The following AKAP10 variants were observed in gnomAD, a reference collection of about 807,000 sequenced individuals.
The protein encoded by AKAP10 is A-kinase anchoring protein 10.
A neutral mutation model predicts 80.8 loss-of-function variants in AKAP10; 24 were observed. The ratio of observed to expected loss-of-function variants is 0.30; its 90% confidence interval spans 0.22 to 0.42. The LOEUF (loss-of-function observed/expected upper bound fraction) is 0.42. Ranked by LOEUF, AKAP10 falls within the 10% of genes least tolerant of loss-of-function variation. The pLI, the probability that AKAP10 is intolerant of heterozygous loss-of-function variation, is 1.00. For synonymous variants in AKAP10, 291 were observed against 277.7 expected (o/e 1.05, Z -0.48); for missense variants, 661 against 794.9 (o/e 0.83, Z 2.03).
In AKAP10 at chr17:19,977,441, A is replaced by G. The variant is rs1037762219; in HGVS notation, c.88+151T>C. ...CTTCTCCCTCCCAGAAGAGTCCCGG[A>G]GCAGAGCAAGGCACTCAGGGGGCAT... On this transcript the variant is annotated intron_variant, in intron 1 of 14. Coordinates refer to ENST00000225737, the MANE Select transcript of AKAP10 (RefSeq NM_007202.4). The G allele has an allele frequency of 1.4e-5, 7 of 507,238 alleles. No individual in the cohort carries two copies. In the Admixed American group the frequency reaches 2.6e-4, roughly 19 times the overall value. The allele number at this position is 507,238 out of a possible 1,614,324, so 31.4% of individuals were successfully genotyped here.
intron 12 of AKAP10, among the ~76,000 whole-genome samples, chr17:19,917,244 G>A (rs924834954): frequency 6.6e-6 from 1 of 151,584 alleles, no homozygotes; most frequent in African/African-American, 2.4e-5. Flanking sequence ...CAGCCTGGCC[G>A]ACAGAGAGAG....
At chr17:19,956,877 G>A (rs1052080034) in intron 4 of AKAP10, among the ~76,000 whole-genome samples, 3 of 151,988 alleles carry the variant, frequency 2.0e-5, no homozygotes, top group African/African-American at 4.8e-5. Context: ...GGTGGCGGGC[G>A]CCTGTAATCC....
At chr17:19,945,246 G>A (rs918676124) in intron 5 of AKAP10, among the ~76,000 whole-genome samples, 2 of 152,020 alleles carry the variant, frequency 1.3e-5, no homozygotes, top group African/African-American at 4.8e-5. Flanking sequence ...GTTGCAGTGT[G>A]GTTTCATTTT....
rs772611975 is a variant in AKAP10 at position 19,920,082 on chromosome 17, T to C, written c.1788A>G (p.Gln596=). 5 of 1,613,648 alleles carry C rather than the reference T, an allele frequency of 3.1e-6. No homozygotes were observed. The Admixed American group carries it at 5.0e-5, about 16-fold the overall frequency. ...MTFGRVSDLG[Q]FIRESEPEPD... ...GTTCAGGCTCAGATTCTCGGATGAATTGCCCCAAGTCACTGACTCTTCCAA... is the reference window on the plus strand; with the variant it reads ...GTTCAGGCTCAGATTCTCGGATGAACTGCCCCAAGTCACTGACTCTTCCAA... The change falls in exon 12 of 15, where the codon CAA becomes CAG. Residue 596 remains glutamine (Q), a synonymous_variant. Transcript: ENST00000225737.
chr17:19,952,281 T>C (rs1020326689), intron 4 of AKAP10, among the ~76,000 whole-genome samples: 1 of 151,640 alleles, frequency 6.6e-6, no homozygotes, highest in Admixed American at 6.6e-5. Context: ...CTGGCTAACA[T>C]GGTGAAAATC....
chr17:19,908,294 C>T (rs2042652874), intron 14 of AKAP10, among the ~76,000 whole-genome samples: 1 of 152,192 alleles, frequency 6.6e-6, no homozygotes, highest in South Asian at 2.1e-4. Context: ...TGCTTTGAAA[C>T]TTGGTTCAGG....
chr17:19,945,150 T>C (rs1443483020), intron 5 of AKAP10, among the ~76,000 whole-genome samples: 1 of 152,216 alleles, frequency 6.6e-6, no homozygotes, highest in Non-Finnish European at 1.5e-5. Context: ...GATCACAAAA[T>C]GTTATCAACT....
intron 7 of AKAP10, 144 bp from the exon 8 acceptor site, chr17:19,939,993 G>GT (rs1457121226): frequency 4.4e-5 from 39 of 883,838 alleles, no homozygotes; most frequent in Non-Finnish European, 6.0e-5. Context: ...CTGTCAGCAA[G>GT]TTACAGTCAT....
At chr17:19,947,633 G>A in intron 4 of AKAP10, 128 bp from the exon 5 acceptor site, 1 of 735,488 alleles carries the variant, frequency 1.4e-6, no homozygotes, top group Non-Finnish European at 2.4e-6. Context: ...CATCACAAAG[G>A]TGCTTTTTCA....
At chr17:19,944,810 G>GGTA (rs1299472434) in intron 5 of AKAP10, among the ~76,000 whole-genome samples, 1 of 152,154 alleles carries the variant, frequency 6.6e-6, no homozygotes, top group African/African-American at 2.4e-5. Context: ...AGATGAAGGA[G>GGTA]GTAGTGCAAG....
intron 12 of AKAP10, among the ~76,000 whole-genome samples, chr17:19,910,734 T>C (rs1271890322): frequency 1.3e-5 from 2 of 152,082 alleles, no homozygotes; most frequent in Non-Finnish European, 2.9e-5. Context: ...AGCTCCTATA[T>C]AAAAGGGCTT....
Position 19,905,960 on chromosome 17 carries a change from T to C in AKAP10, c.*267A>G. 2 of 468,782 alleles carry C rather than the reference T, an allele frequency of 4.3e-6. No homozygotes were observed. Among genetic ancestry groups the C allele is most frequent in the South Asian group, 6.2e-5 (2 of 32,462 alleles). The allele number at this position is 468,782 out of a possible 1,614,324, so 29.0% of individuals were successfully genotyped here. A position where few individuals can be genotyped will look rare whatever the true frequency, so the allele number is the denominator to read the frequency against. ...ACTCTCATAAATGGGTTATTGCCAT[T>C]GGAAAACTAATAATTTTCTAGTAAT... On this transcript the variant is annotated 3_prime_UTR_variant, in exon 15 of 15. Transcript: ENST00000225737.
intron 2 of AKAP10, among the ~76,000 whole-genome samples, chr17:19,966,279 T>C (rs1316957785): frequency 1.3e-5 from 2 of 152,102 alleles, no homozygotes; most frequent in Non-Finnish European, 2.9e-5. Flanking sequence ...CCATTTTGCC[T>C]CCGAATTTTT....
chr17:19,950,975 C>T (rs1331638280), intron 4 of AKAP10, among the ~76,000 whole-genome samples: 4 of 133,992 alleles, frequency 3.0e-5, no homozygotes, highest in African/African-American at 1.2e-4. Flanking sequence ...CGTCTGGGAA[C>T]TGAGGAGTGT....
intron 10 of AKAP10, among the ~76,000 whole-genome samples, chr17:19,926,644 T>C (rs1437263768): frequency 6.6e-6 from 1 of 152,020 alleles, no homozygotes; most frequent in Middle Eastern, 3.2e-3. Flanking sequence ...AATCTGAAAA[T>C]GAAATTAAGA....
rs1186529621 is a variant in AKAP10 at position 19,940,766 on chromosome 17, T to C, written c.1185+121A>G. The C allele has an allele frequency of 2.6e-5, 30 of 1,166,698 alleles. No homozygotes were observed. The East Asian group carries it at 8.3e-4, about 32-fold the overall frequency. 72.3% of individuals were successfully genotyped at this position (1,166,698 alleles called of 1,614,324 possible). On this transcript the variant is annotated intron_variant, in intron 7 of 14. Coordinates refer to ENST00000225737, the MANE Select transcript of AKAP10 (RefSeq NM_007202.4). The stretch of plus-strand genomic sequence containing the variant: ...TGCCATCAGAAACAACTTGAAACAA[T>C]GATACATCTTTTTGGAAATGACTTG...
At chr17:19,971,221 G>A (rs575882530) in intron 1 of AKAP10, among the ~76,000 whole-genome samples, 2 of 151,538 alleles carry the variant, frequency 1.3e-5, no homozygotes, top group Non-Finnish European at 2.9e-5. Context: ...TAAAAATCAC[G>A]CAAATGGCTG....
intron 1 of AKAP10, among the ~76,000 whole-genome samples, chr17:19,972,732 G>T (rs1420428860): frequency 1.3e-5 from 2 of 152,164 alleles, no homozygotes; most frequent in African/African-American, 4.8e-5. Context: ...TGGTATTACA[G>T]GCGTGAGCCA....
intron 5 of AKAP10, among the ~76,000 whole-genome samples, chr17:19,946,205 TTA>T (rs1555576558): frequency 0.083 from 3,822 of 46,070 alleles, 638 homozygotes; most frequent in African/African-American, 0.24. Flanking sequence ...TACATATATT[TTA>T]TATATATATA....
Sources: gnomAD v4.1 joint callset for allele counts (sites outside exome capture counted in the v4.1 genomes callset) on GRCh38, gnomAD v4.1.1 for gene constraint, MANE v1.5 for transcripts, NCBI Gene and HGNC (gene_info 2026-07-23, HGNC 2026-07-21) for gene names.